The following SAMD4A variants were observed in gnomAD, a reference collection of about 807,000 sequenced individuals.
The protein encoded by SAMD4A is sterile alpha motif domain containing 4A.
Under a neutral mutation model 81.3 loss-of-function variants are expected in SAMD4A, and 33 were observed. The observed-to-expected ratio is 0.41, with a 90% CI of 0.31 to 0.54. The LOEUF (loss-of-function observed/expected upper bound fraction) is 0.54. SAMD4A is among the 20% of genes least tolerant of loss of function. The pLI is 0.37. For synonymous variants in SAMD4A, 389 were observed against 382.1 expected (o/e 1.02, Z -0.21); for missense variants, 854 against 951.1 (o/e 0.90, Z 1.34).
chr14:54,590,813 C>G (rs914386747), intron 2 of SAMD4A, among the ~76,000 whole-genome samples: 63 of 152,324 alleles, frequency 4.1e-4, no homozygotes, highest in African/African-American at 1.4e-3. Context: ...TAGCCAAAGG[C>G]CACCTTAGGG....
chr14:54,624,000 TG>T (rs1443180613), intron 2 of SAMD4A, among the ~76,000 whole-genome samples: 1 of 152,128 alleles, frequency 6.6e-6, no homozygotes, highest in Admixed American at 6.5e-5. Flanking sequence ...CTTTTTGAGA[TG>T]GAGTCTCACT....
intron 2 of SAMD4A, among the ~76,000 whole-genome samples, chr14:54,606,893 G>A (rs2140247251): frequency 6.6e-6 from 1 of 152,314 alleles, no homozygotes; most frequent in South Asian, 2.1e-4. Flanking sequence ...TGCTCCCTTT[G>A]GAGGGAAGAT....
intron 3 of SAMD4A, among the ~76,000 whole-genome samples, chr14:54,736,487 G>A (rs1273460518): frequency 6.6e-6 from 1 of 152,164 alleles, no homozygotes; most frequent in Non-Finnish European, 1.5e-5. Context: ...AGAGGCCATA[G>A]TTCCCTGAAT....
At chr14:54,610,971 G>C (rs2034336637) in intron 2 of SAMD4A, among the ~76,000 whole-genome samples, 1 of 152,172 alleles carries the variant, frequency 6.6e-6, no homozygotes, top group Admixed American at 6.5e-5. Context: ...ACCTAATGAT[G>C]ATAGTGATCA....
At chr14:54,724,260 G>A (rs186519538) in intron 3 of SAMD4A, among the ~76,000 whole-genome samples, 72 of 152,232 alleles carry the variant, frequency 4.7e-4, no homozygotes, top group Non-Finnish European at 8.5e-4. Context: ...GAAGCAACAC[G>A]GTGTCAGGCT....
intron 8 of SAMD4A, among the ~76,000 whole-genome samples, chr14:54,768,292 T>G (rs2139900124): frequency 6.6e-6 from 1 of 152,342 alleles, no homozygotes; most frequent in South Asian, 2.1e-4. Context: ...GTGACACCTG[T>G]GAGTGGCATC....
At chr14:54,597,104 CTTT>C (rs112337566) in intron 2 of SAMD4A, among the ~76,000 whole-genome samples, 4 of 136,462 alleles carry the variant, frequency 2.9e-5, no homozygotes, top group Admixed American at 7.3e-5. Flanking sequence ...ATCTGAGTTT[CTTT>C]TTTTTTTTTT....
intron 2 of SAMD4A, among the ~76,000 whole-genome samples, chr14:54,611,592 T>A (rs2034356564): frequency 6.6e-6 from 1 of 152,080 alleles, no homozygotes; most frequent in South Asian, 2.1e-4. Flanking sequence ...ATAAGCCAGT[T>A]GGGGCCAGGC....
At chr14:54,670,773 G>T (rs1183083439) in intron 2 of SAMD4A, among the ~76,000 whole-genome samples, 1 of 152,228 alleles carries the variant, frequency 6.6e-6, no homozygotes, top group Admixed American at 6.5e-5. Context: ...GAACTTAACT[G>T]CTGTTGCCTC....
intron 3 of SAMD4A, among the ~76,000 whole-genome samples, chr14:54,717,660 TG>T (rs971172172): frequency 1.3e-5 from 2 of 152,084 alleles, no homozygotes; most frequent in African/African-American, 4.8e-5. Flanking sequence ...CAAAATATTG[TG>T]GCTAAAGTTC....
chr14:54,780,482 A>C (rs575432800), intron 11 of SAMD4A, among the ~76,000 whole-genome samples: 1 of 152,290 alleles, frequency 6.6e-6, no homozygotes, highest in East Asian at 1.9e-4. Context: ...GGGGTGTGGA[A>C]GGGGCTGCCA....
Position 54,741,040 on chromosome 14 carries a change from G to A in SAMD4A, c.979+3753G>A, listed in dbSNP as rs539035810. On this transcript the variant is annotated intron_variant, in intron 4 of 12. Coordinates refer to ENST00000554335, the MANE Select transcript of SAMD4A (RefSeq NM_015589.6). ...TTTACCCTTCCCTGTGGAGGCTACT[G>A]GTTATACATGTTTGGACTAAGGAGG... Among the ~76,000 whole-genome samples, 14 of 152,326 alleles carry A rather than the reference G, an allele frequency of 9.2e-5. No homozygotes were observed. In the South Asian group the frequency reaches 2.9e-3, roughly 32 times the overall value.
chr14:54,655,577 C>CA (rs34612233), intron 2 of SAMD4A, among the ~76,000 whole-genome samples: 36 of 148,730 alleles, frequency 2.4e-4, no homozygotes, highest in South Asian at 1.1e-3. Context: ...ACTAAAAATA[C>CA]AAAAAAAAAA....
intron 6 of SAMD4A, 87 bp from the exon 7 acceptor site, chr14:54,760,074 A>C: frequency 7.3e-7 from 1 of 1,367,486 alleles, no homozygotes; most frequent in Non-Finnish European, 1.0e-6. Flanking sequence ...GAATCCTGTA[A>C]GAGCTCAGGG....
At chr14:54,787,034 T>G (rs2039158842) in intron 12 of SAMD4A, among the ~76,000 whole-genome samples, 1 of 152,250 alleles carries the variant, frequency 6.6e-6, no homozygotes, top group Non-Finnish European at 1.5e-5. Context: ...AGAGCTTCTC[T>G]GCTGGCCAAC....
intron 2 of SAMD4A, among the ~76,000 whole-genome samples, chr14:54,682,831 C>T (rs2036160629): frequency 6.6e-6 from 1 of 152,194 alleles, no homozygotes; most frequent in South Asian, 2.1e-4. Flanking sequence ...GTGACTTATG[C>T]AATGCTGTAT....
At chr14:54,667,880 C>T (rs375957477) in intron 2 of SAMD4A, among the ~76,000 whole-genome samples, 10 of 152,294 alleles carry the variant, frequency 6.6e-5, no homozygotes, top group African/African-American at 1.4e-4. Flanking sequence ...GTTACGTGAG[C>T]GCCCCAGACT....
At position 54,789,005 on chromosome 14, in the gene SAMD4A, G is replaced by A. The variant is rs189811410; in HGVS notation, c.*61G>A. 14 of 1,565,160 alleles carry A rather than the reference G, an allele frequency of 8.9e-6. No homozygotes were observed. The East Asian group carries it at 9.0e-5, about 10-fold the overall frequency. On this transcript the variant is annotated 3_prime_UTR_variant, in exon 13 of 13. Coordinates refer to ENST00000554335, the MANE Select transcript of SAMD4A (RefSeq NM_015589.6). ...ATCGACTGCTGCGGGTCCAGTGTCC[G>A]CCATCTTCAGGGTTGCACAGAATCC...
chr14:54,744,174 C>G lies in SAMD4A; in HGVS notation c.980-4641C>G, dbSNP rs1681354980. On this transcript the variant is annotated intron_variant, in intron 4 of 12. Coordinates refer to ENST00000554335, the MANE Select transcript of SAMD4A (RefSeq NM_015589.6). ...CAAGGCTGTTCATGTTTCTGTCTGC[C>G]AGAGATGCCTTTCTCCCTGCCCTTC... Among the ~76,000 whole-genome samples the G allele has an allele frequency of 2.6e-5, 4 of 152,192 alleles. No homozygotes were observed. The South Asian group carries it at 8.3e-4, about 32-fold the overall frequency.
Sources: allele counts gnomAD v4.1 joint callset (sites outside exome capture counted in the v4.1 genomes callset), GRCh38; gene constraint gnomAD v4.1.1; transcripts MANE v1.5; gene names NCBI Gene and HGNC (gene_info 2026-07-23, HGNC 2026-07-21).